Variants in EIF3H observed in about 807,000 individuals in gnomAD.
The protein encoded by EIF3H is eukaryotic translation initiation factor 3 subunit H, also known as eIF-3-gamma.
In EIF3H, 26 loss-of-function variants were observed where a neutral mutation model predicts 44.2. That is an observed-to-expected ratio of 0.59 (90% CI 0.43 to 0.82). EIF3H has a LOEUF of 0.82. Among genes scored for constraint, EIF3H ranks in the 40% least tolerant of loss-of-function variants. The probability of loss-of-function intolerance (pLI) is 0.00; values close to 1 mark genes in which losing one functional copy is unlikely to be tolerated. For synonymous variants in EIF3H, 166 were observed against 151.9 expected, an observed-to-expected ratio of 1.09 and a Z score of -0.68; for missense variants, 359 against 432.8, an observed-to-expected ratio of 0.83 and a Z score of 1.51.
intron 2 of EIF3H, among the ~76,000 whole-genome samples, chr8:116,707,937 G>T (rs913626497): frequency 6.6e-6 from 1 of 151,884 alleles, no homozygotes; most frequent in Admixed American, 6.6e-5. Context: ...CTATGCCTTT[G>T]TCTGTTATAT....
chr8:116,667,984 T>C (rs796998533), intron 2 of EIF3H, among the ~76,000 whole-genome samples: 17 of 152,310 alleles, frequency 1.1e-4, no homozygotes, highest in African/African-American at 3.8e-4. Context: ...AAAAGTCCCA[T>C]AGGTACCACA....
At chr8:116,752,551 A>G (rs559324205) in intron 1 of EIF3H, among the ~76,000 whole-genome samples, 1 of 151,708 alleles carries the variant, frequency 6.6e-6, no homozygotes, top group South Asian at 2.1e-4. Flanking sequence ...AACTTCCCCA[A>G]GGTCATGCTT....
intron 4 of EIF3H, 119 bp from the exon 5 acceptor site, chr8:116,656,124 T>TA: frequency 1.2e-6 from 1 of 804,584 alleles, no homozygotes; most frequent in East Asian, 3.0e-5. Context: ...ATTAGCACTC[T>TA]TAAAAAAAAA....
At chr8:116,722,972 T>C (rs1814776854) in intron 2 of EIF3H, among the ~76,000 whole-genome samples, 2 of 152,208 alleles carry the variant, frequency 1.3e-5, no homozygotes, top group Admixed American at 1.3e-4. Flanking sequence ...CATTGGTCAA[T>C]TCAAGTACTT....
At position 116,656,272 on chromosome 8, in the gene EIF3H, G is replaced by A. The variant is rs983181541; in HGVS notation, c.558-267C>T. ...AGAAACTACTCATTCTTTGTTATCA[G>A]GTATCTTTAAAATTTCACTGATACT... On this transcript the variant is annotated intron_variant, in intron 4 of 7. Transcript: ENST00000521861. Among the ~76,000 whole-genome samples the A allele has an allele frequency of 7.9e-5, 12 of 152,138 alleles. No homozygotes were observed. In the South Asian group the frequency reaches 2.5e-3, roughly 32 times the overall value.
chr8:116,715,954 A>T (rs921461812), intron 2 of EIF3H, among the ~76,000 whole-genome samples: 5 of 152,100 alleles, frequency 3.3e-5, no homozygotes, highest in African/African-American at 1.2e-4. Context: ...ACTTTCAACT[A>T]GAAGGTAAAT....
upstream of EIF3H, chr8:116,755,911 C>G (rs1376621796): frequency 5.2e-6 from 8 of 1,548,366 alleles, no homozygotes; most frequent in Non-Finnish European, 6.9e-6. Context: ...GAAGGAGAAG[C>G]CAAAATTGGG....
intron 2 of EIF3H, among the ~76,000 whole-genome samples, chr8:116,694,212 A>C (rs768628119): frequency 2.0e-5 from 3 of 152,082 alleles, no homozygotes; most frequent in Non-Finnish European, 4.4e-5. Flanking sequence ...TCCCATCAGC[A>C]ATCAGCAGTA....
intron 1 of EIF3H, among the ~76,000 whole-genome samples, chr8:116,747,021 T>G (rs1475105531): frequency 1.3e-5 from 2 of 152,202 alleles, no homozygotes; most frequent in Non-Finnish European, 2.9e-5. Context: ...AGGGATTTCT[T>G]GACAGATCTA....
intron 2 of EIF3H, among the ~76,000 whole-genome samples, chr8:116,702,940 C>T (rs1814403927): frequency 6.6e-6 from 1 of 152,050 alleles, no homozygotes; most frequent in South Asian, 2.1e-4. Context: ...GATCATCAGG[C>T]ATTAGATTCT....
intron 2 of EIF3H, among the ~76,000 whole-genome samples, chr8:116,682,794 C>T (rs1563641934): frequency 6.6e-6 from 1 of 152,138 alleles, no homozygotes; most frequent in Non-Finnish European, 1.5e-5. Flanking sequence ...ATTCAACAAC[C>T]TAATCAAGAG....
rs150271411 is a variant in EIF3H at position 116,747,315 on chromosome 8, C to T, written c.132+8351G>A. Reference sequence around the variant, plus strand: ...TCCTGACCTCAGGTGATCCGCCCACCTCAGCCTGCCAAAGTGCTGGGATTA... The same window carrying T: ...TCCTGACCTCAGGTGATCCGCCCACTTCAGCCTGCCAAAGTGCTGGGATTA... On this transcript the variant is annotated intron_variant, in intron 1 of 7. Transcript: ENST00000521861. Among the ~76,000 whole-genome samples, 329 of 152,344 alleles carry T rather than the reference C, an allele frequency of 2.2e-3. 3 individuals carry two copies. The highest frequency in any genetic ancestry group is 7.4e-3 in the African/African-American group (306 of 41,584).
chr8:116,711,733 A>G (rs1405896380), intron 2 of EIF3H, among the ~76,000 whole-genome samples: 1 of 152,226 alleles, frequency 6.6e-6, no homozygotes, highest in Non-Finnish European at 1.5e-5. Flanking sequence ...TACATTCTCC[A>G]GGTAAACAAA....
intron 6 of EIF3H, among the ~76,000 whole-genome samples, chr8:116,647,836 G>A (rs560779867): frequency 1.3e-5 from 2 of 151,926 alleles, no homozygotes; most frequent in East Asian, 3.9e-4. Context: ...TCACCTACAG[G>A]AAAAACCAGC....
At chr8:116,749,956 T>A (rs537842828) in intron 1 of EIF3H, among the ~76,000 whole-genome samples, 8 of 152,410 alleles carry the variant, frequency 5.2e-5, no homozygotes, top group African/African-American at 1.9e-4. Context: ...TTGGCCACTA[T>A]CAATGTGCCA....
intron 2 of EIF3H, among the ~76,000 whole-genome samples, chr8:116,694,875 G>A (rs1032424355): frequency 6.6e-6 from 1 of 152,060 alleles, no homozygotes; most frequent in South Asian, 2.1e-4. Context: ...CTTAAAGAAG[G>A]AAGAATGAGA....
At chr8:116,707,306 T>C (rs973466340) in intron 2 of EIF3H, among the ~76,000 whole-genome samples, 2 of 152,220 alleles carry the variant, frequency 1.3e-5, no homozygotes, top group Non-Finnish European at 2.9e-5. Context: ...AAAGGATATC[T>C]ATAATTTCTG....
intron 1 of EIF3H, among the ~76,000 whole-genome samples, chr8:116,738,798 C>A (rs1207609256): frequency 6.6e-6 from 1 of 152,192 alleles, no homozygotes; most frequent in Non-Finnish European, 1.5e-5. Context: ...GAGGTTACAA[C>A]CTGTTCATCT....
chr8:116,729,408 T>C (rs1814914527), intron 1 of EIF3H, among the ~76,000 whole-genome samples: 1 of 152,194 alleles, frequency 6.6e-6, no homozygotes, highest in South Asian at 2.1e-4. Context: ...TTGAAAACTG[T>C]CTTAACTCTA....
Sources: allele counts gnomAD v4.1 joint callset (sites outside exome capture counted in the v4.1 genomes callset), GRCh38; gene constraint gnomAD v4.1.1; transcripts MANE v1.5; gene names NCBI Gene and HGNC (gene_info 2026-07-23, HGNC 2026-07-21).